Variants in ESYT3 observed in about 807,000 individuals in gnomAD.
ESYT3 encodes extended synaptotagmin 3, also known as extended synaptotagmin-3.
ESYT3 carries 101 observed loss-of-function variants against 111.5 expected under a neutral mutation model. The observed-to-expected ratio is 0.91, with a 90% CI of 0.77 to 1.07. The LOEUF is 1.07. ESYT3 is among the 50% of genes least tolerant of loss of function. The pLI is 0.00. For synonymous variants in ESYT3, 416 were observed against 446.8 expected, an observed-to-expected ratio of 0.93 and a Z score of 0.87; for missense variants, 1,097 against 1,109.4, an observed-to-expected ratio of 0.99 and a Z score of 0.16.
chr3:138,455,473 A>G, intron 3 of ESYT3, 145 bp downstream of exon 3: 2 of 754,326 alleles, frequency 2.7e-6, no homozygotes, highest in Non-Finnish European at 4.2e-6. Context: ...TCCCGCCACC[A>G]CCTGCATTTC....
chr3:138,451,937 G>C, intron 1 of ESYT3, 111 bp from the exon 2 acceptor site: 1 of 1,201,240 alleles, frequency 8.3e-7, no homozygotes, highest in Non-Finnish European at 1.2e-6. Context: ...CGGGGAGGAA[G>C]GGTTGAGGTG....
chr3:138,459,781 T>C (rs981122954), intron 5 of ESYT3, among the ~76,000 whole-genome samples, 164 bp from the exon 6 acceptor site: 1 of 152,194 alleles, frequency 6.6e-6, no homozygotes, highest in Non-Finnish European at 1.5e-5. Flanking sequence ...CCTCAGCACC[T>C]TAAGTACGGT....
In ESYT3 at chr3:138,464,387, C is replaced by G; in HGVS notation, c.958C>G (p.Gln320Glu). 6.2e-7 allele frequency: 1 copy of G among 1,614,152 alleles called. No homozygotes were observed. Among genetic ancestry groups the G allele is most frequent in the Non-Finnish European group, 8.5e-7 (1 of 1,180,008 alleles). ...VHLLEAEQLA[Q>E]KDNFLGLRGK... ...CTTGCTGGAGGCAGAGCAGCTGGCCCAGAAGGACAACTTTCTGGGGCTCCG... is the reference window on the plus strand; with the variant it reads ...CTTGCTGGAGGCAGAGCAGCTGGCCGAGAAGGACAACTTTCTGGGGCTCCG... The change falls in exon 9 of 23, where the codon CAG becomes GAG. Residue 320 changes from glutamine to glutamate, a missense_variant. Gln to Glu is a conservative substitution (Grantham distance 29). Coordinates refer to ENST00000389567, the MANE Select transcript of ESYT3 (RefSeq NM_031913.5).
rs189065632 is a variant in ESYT3, at chr3:138,459,704, C to A, written c.649-241C>A. Among the ~76,000 whole-genome samples the A allele has an allele frequency of 3.0e-3, 459 of 152,356 alleles. 4 individuals carry two copies. Among genetic ancestry groups the A allele is most frequent in the African/African-American group, 0.011 (443 of 41,582 alleles). On this transcript the variant is annotated intron_variant, in intron 5 of 22. Transcript: ENST00000389567. Reference sequence around the variant, plus strand: ...TATAGGTCTCTCAGGCCAGCACACCCGTGGAAGGCAGTGGGGCCAGCTCAG... The same window carrying A: ...TATAGGTCTCTCAGGCCAGCACACCAGTGGAAGGCAGTGGGGCCAGCTCAG...
chr3:138,452,183 G>C, intron 2 of ESYT3, 94 bp downstream of exon 2: 3 of 1,284,066 alleles, frequency 2.3e-6, no homozygotes, highest in Non-Finnish European at 3.3e-6. Context: ...GGGCCTCGCG[G>C]CAATTTCCTT....
chr3:138,459,992 G>A lies in ESYT3; in HGVS notation c.696G>A (p.Lys232=), dbSNP rs1412059126. 5 of 1,614,166 alleles carry A rather than the reference G, an allele frequency of 3.1e-6. No individual in the cohort carries two copies. In the Admixed American group the frequency reaches 6.7e-5, roughly 22 times the overall value. The part of the protein sequence containing the change: ...RVILEPLLVD[K]PFVGAVTVFF... ...TCCTGGAGCCCCTCCTAGTGGACAA[G>A]CCCTTTGTGGGAGCCGTGACTGTGT... Residue 232 remains lysine (K), a synonymous_variant, in exon 6 of 23, where the codon AAG becomes AAA. Transcript: ENST00000389567.
Position 138,460,670 on chromosome 3 carries a change from G to A in ESYT3, c.794+4G>A, listed in dbSNP as rs766795903. ...TGCTGGATGCGCCGGGAATCAAGTA[G>A]GTGCCTGGGAGAGCCTCGAGGGAGA... On this transcript the variant is annotated splice_donor_region_variant and intron_variant, in intron 7 of 22. Transcript: ENST00000389567. The A allele has an allele frequency of 6.2e-7, 1 of 1,614,042 alleles. No individual in the cohort carries two copies. The highest frequency in any genetic ancestry group is 8.5e-7 in the Non-Finnish European group (1 of 1,179,930).
At chr3:138,457,329 C>T (rs1576443792) in intron 3 of ESYT3, among the ~76,000 whole-genome samples, 1 of 152,154 alleles carries the variant, frequency 6.6e-6, no homozygotes, top group Non-Finnish European at 1.5e-5. Context: ...AACAACAGGC[C>T]TGGCCTCAGG....
intron 17 of ESYT3, among the ~76,000 whole-genome samples, chr3:138,471,244 C>A (rs2033206084): frequency 1.3e-5 from 2 of 152,238 alleles, no homozygotes; most frequent in South Asian, 4.1e-4. Context: ...TTCTTAAATT[C>A]CTCTCTCTAG....
At position 138,476,807 on chromosome 3, in the gene ESYT3, C is replaced by G; in HGVS notation, c.2625-11C>G. On this transcript the variant is annotated splice_polypyrimidine_tract_variant and intron_variant, in intron 22 of 22. Transcript: ENST00000389567. ...TTACTAACGTTAAGTCCAAACGTAA[C>G]TGTCTTACAGGTATGAGCTGACTCC... 1.2e-6 allele frequency: 2 copies of G among 1,613,774 alleles called. No homozygotes were observed. Among genetic ancestry groups the G allele is most frequent in the East Asian group, 4.5e-5 (2 of 44,880 alleles).
At chr3:138,437,577 C>T (rs1395858168) in intron 1 of ESYT3, among the ~76,000 whole-genome samples, 3 of 152,102 alleles carry the variant, frequency 2.0e-5, no homozygotes, top group Non-Finnish European at 4.4e-5. Flanking sequence ...GTGACAGGGT[C>T]AAGTTGAGGC....
chr3:138,467,984 C>A, intron 11 of ESYT3, 121 bp from the exon 12 acceptor site: 1 of 806,368 alleles, frequency 1.2e-6, no homozygotes, highest in Non-Finnish European at 2.0e-6. Context: ...CACCTTTTCC[C>A]ATACTAGGAC....
intron 15 of ESYT3, 112 bp from the exon 16 acceptor site, chr3:138,469,948 A>AT: frequency 1.2e-6 from 1 of 810,796 alleles, no homozygotes; most frequent in South Asian, 1.7e-5. Context: ...ATCCCAGGGC[A>AT]TATAGGTAAG....
In ESYT3 at chr3:138,457,294, C is replaced by T. The variant is rs146138220; in HGVS notation, c.505-274C>T. 2.5e-4 allele frequency among the ~76,000 whole-genome samples: 38 copies of T among 152,332 alleles called. No individual in the cohort carries two copies. The East Asian group carries it at 6.2e-3, about 25-fold the overall frequency. ...CTCACGTGTAAAGGGAAAGGACCCA[C>T]TTCCAGAGTTTGCTATGGGGCATGA... is the stretch of plus-strand genomic sequence containing the variant. On this transcript the variant is annotated intron_variant, in intron 3 of 22. Coordinates refer to ENST00000389567, the MANE Select transcript of ESYT3 (RefSeq NM_031913.5).
chr3:138,468,008 C>A, intron 11 of ESYT3, 97 bp from the exon 12 acceptor site: 1 of 1,066,230 alleles, frequency 9.4e-7, no homozygotes, highest in Non-Finnish European at 1.4e-6. Flanking sequence ...TTTCCCTGTC[C>A]CTACTAGGAT....
At chr3:138,465,253 C>T (rs1019070714) in intron 9 of ESYT3, 86 bp from the exon 10 acceptor site, 16 of 949,290 alleles carry the variant, frequency 1.7e-5, no homozygotes, top group Admixed American at 4.3e-5. Context: ...AACCTGCTAG[C>T]GTTCTGAGCC....
chr3:138,467,914 T>A (rs191818694), intron 11 of ESYT3, among the ~76,000 whole-genome samples, 191 bp from the exon 12 acceptor site: 40 of 152,190 alleles, frequency 2.6e-4, no homozygotes, highest in Non-Finnish European at 4.6e-4. Context: ...CACTTCTGTC[T>A]TCCTATAACC....
intron 6 of ESYT3, 106 bp from the exon 7 acceptor site, chr3:138,460,505 G>C: frequency 8.0e-7 from 1 of 1,250,468 alleles, no homozygotes; most frequent in Non-Finnish European, 1.2e-6. Flanking sequence ...CCCCACCCTG[G>C]AAGGCTGGGT....
rs190629130 is a variant in ESYT3 at position 138,454,037 on chromosome 3, T to C, written c.370-1157T>C. 2.6e-3 allele frequency among the ~76,000 whole-genome samples: 391 copies of C among 152,106 alleles called. 5 individuals are homozygous for C. Among genetic ancestry groups the C allele is most frequent in the African/African-American group, 7.7e-3 (318 of 41,514 alleles). ...AATGACACGTCTGGTAATGTGAAAA[T>C]AGCAATCTTGGATCAACATCCATCA... is the stretch of plus-strand genomic sequence containing the variant. On this transcript the variant is annotated intron_variant, in intron 2 of 22. Coordinates refer to ENST00000389567, the MANE Select transcript of ESYT3 (RefSeq NM_031913.5).
Sources: allele counts gnomAD v4.1 joint callset (sites outside exome capture counted in the v4.1 genomes callset), GRCh38; gene constraint gnomAD v4.1.1; transcripts MANE v1.5; gene names NCBI Gene and HGNC (gene_info 2026-07-23, HGNC 2026-07-21).